Variants in SCMH1 observed in about 807,000 individuals in gnomAD.
SCMH1 encodes polycomb protein SCMH1.
In SCMH1, 37 loss-of-function variants were observed where a neutral mutation model predicts 70.8. The ratio of observed to expected loss-of-function variants is 0.52; its 90% CI spans 0.40 to 0.69. The LOEUF (loss-of-function observed/expected upper bound fraction) is 0.69, where lower values mean the gene tolerates loss of function less well. Among genes scored for constraint, SCMH1 ranks in the 30% least tolerant of loss-of-function variants. The pLI is 0.00. For synonymous variants in SCMH1, 292 were observed against 307.4 expected (o/e 0.95, Z 0.52); for missense variants, 607 against 827.3 (o/e 0.73, Z 3.27).
At chr1:41,079,155 A>G (rs1659229133) in intron 8 of SCMH1, among the ~76,000 whole-genome samples, 1 of 152,226 alleles carries the variant, frequency 6.6e-6, no homozygotes, top group Admixed American at 6.5e-5. Flanking sequence ...GGAGAGAAGT[A>G]GAATAATAAA....
chr1:41,072,521 T>A (rs1558636139), intron 9 of SCMH1, among the ~76,000 whole-genome samples: 2 of 152,264 alleles, frequency 1.3e-5, no homozygotes, highest in East Asian at 3.9e-4. Flanking sequence ...AACCTGTTTG[T>A]CTGACTTTAA....
chr1:41,070,813 T>C, intron 9 of SCMH1, 92 bp from the exon 10 acceptor site: 1 of 1,428,702 alleles, frequency 7.0e-7, no homozygotes, highest in Non-Finnish European at 9.6e-7. Context: ...AGCAAAAATA[T>C]ATTTATGGAT....
intron 8 of SCMH1, among the ~76,000 whole-genome samples, chr1:41,096,663 G>A (rs148993148): frequency 1.4e-3 from 219 of 152,262 alleles, no homozygotes; most frequent in African/African-American, 5.0e-3. Context: ...GACCCTAATT[G>A]TTCTGGGACC....
intron 1 of SCMH1, among the ~76,000 whole-genome samples, chr1:41,223,150 T>C (rs1659625039): frequency 6.6e-6 from 1 of 152,206 alleles, no homozygotes; most frequent in Non-Finnish European, 1.5e-5. Flanking sequence ...ATTCTATCAA[T>C]GGAATCTGGA....
chr1:41,035,953 C>T (rs569247853), intron 13 of SCMH1, among the ~76,000 whole-genome samples: 15 of 152,286 alleles, frequency 9.8e-5, no homozygotes, highest in African/African-American at 3.6e-4. Flanking sequence ...ATGCTGTGCT[C>T]TCCTTCAAAT....
intron 9 of SCMH1, among the ~76,000 whole-genome samples, chr1:41,072,300 G>A (rs1656814766): frequency 6.6e-6 from 1 of 152,166 alleles, no homozygotes; most frequent in Non-Finnish European, 1.5e-5. Flanking sequence ...ATGAGTTGGT[G>A]GTAGGATTTC....
chr1:41,141,991 G>A (rs1288290983), intron 6 of SCMH1, among the ~76,000 whole-genome samples: 3 of 152,174 alleles, frequency 2.0e-5, no homozygotes, highest in Admixed American at 6.5e-5. Context: ...ATCATGCTAT[G>A]TTTAACAATT....
At chr1:41,140,285 A>G (rs1042578592) in intron 6 of SCMH1, among the ~76,000 whole-genome samples, 1 of 123,992 alleles carries the variant, frequency 8.1e-6, no homozygotes, top group Non-Finnish European at 1.6e-5. Context: ...ATGATATTTT[A>G]CCCCAATAAC....
intron 6 of SCMH1, among the ~76,000 whole-genome samples, chr1:41,129,151 G>A (rs1183943697): frequency 6.6e-6 from 1 of 152,028 alleles, no homozygotes; most frequent in East Asian, 1.9e-4. Flanking sequence ...ATTATAATGG[G>A]TGAGTTTTTC....
chr1:41,057,542 G>A (rs188407664), intron 10 of SCMH1, among the ~76,000 whole-genome samples: 5 of 152,016 alleles, frequency 3.3e-5, no homozygotes, highest in Admixed American at 2.0e-4. Context: ...GAGCCACTGC[G>A]CCTGGCCCTA....
At chr1:41,136,193 G>A (rs796412138) in intron 6 of SCMH1, among the ~76,000 whole-genome samples, 4 of 152,066 alleles carry the variant, frequency 2.6e-5, no homozygotes, top group African/African-American at 7.2e-5. Flanking sequence ...CAATCTGTCT[G>A]CCTTGGACTC....
chr1:41,191,951 T>C (rs1357711705), intron 1 of SCMH1, among the ~76,000 whole-genome samples: 1 of 152,148 alleles, frequency 6.6e-6, no homozygotes, highest in East Asian at 1.9e-4. Context: ...TCCTTGAAAG[T>C]CACTGCTAAT....
intron 5 of SCMH1, among the ~76,000 whole-genome samples, chr1:41,145,089 TGAA>T (rs1393399140): frequency 1.3e-5 from 2 of 152,194 alleles, no homozygotes; most frequent in Admixed American, 1.3e-4. Flanking sequence ...TTAATTTTGA[TGAA>T]GTTTAAATTA....
chr1:41,127,105 T>C (rs1465416471), intron 6 of SCMH1, among the ~76,000 whole-genome samples: 1 of 152,170 alleles, frequency 6.6e-6, no homozygotes, highest in Non-Finnish European at 1.5e-5. Flanking sequence ...TGCACTTATT[T>C]TATTATGAGT....
intron 6 of SCMH1, among the ~76,000 whole-genome samples, chr1:41,130,937 T>C (rs1261963195): frequency 6.6e-5 from 10 of 152,188 alleles, no homozygotes; most frequent in Non-Finnish European, 8.8e-5. Flanking sequence ...AAGTTATCTA[T>C]TTTTTCTTTT....
intron 1 of SCMH1, among the ~76,000 whole-genome samples, chr1:41,195,304 G>A (rs1385747940): frequency 2.0e-5 from 3 of 151,988 alleles, no homozygotes; most frequent in Non-Finnish European, 2.9e-5. Flanking sequence ...CAGCCCTTAA[G>A]AATGCAAAAG....
At chr1:41,098,862 G>A (rs1347245834) in intron 8 of SCMH1, 1 of 163,136 alleles carries the variant, frequency 6.1e-6, no homozygotes, top group Admixed American at 6.5e-5. Flanking sequence ...ATCCTTGGAA[G>A]GGCACCCACA....
intron 2 of SCMH1, among the ~76,000 whole-genome samples, chr1:41,163,301 G>A (rs538988025): frequency 5.3e-5 from 8 of 152,256 alleles, no homozygotes; most frequent in South Asian, 2.1e-4. Context: ...CCCCAAGCTC[G>A]TTCATACACA....
rs550172898 is a variant in SCMH1 at position 41,083,028 on chromosome 1, G to A, written c.746-7577C>T. Among the ~76,000 whole-genome samples the A allele has an allele frequency of 2.4e-3, 366 of 152,220 alleles. 1 individual carries two copies. The highest frequency in any genetic ancestry group is 8.4e-3 in the African/African-American group (350 of 41,532). ...CCCACAGCCAATATCATACTGAATG[G>A]GCCAACACTGGAAGCATTCCCTTTG... is the stretch of plus-strand genomic sequence containing the variant. On this transcript the variant is annotated intron_variant, in intron 8 of 14. Transcript: ENST00000337495.
Sources: allele counts gnomAD v4.1 joint callset (sites outside exome capture counted in the v4.1 genomes callset), GRCh38; gene constraint gnomAD v4.1.1; transcripts MANE v1.5; gene names NCBI Gene and HGNC (gene_info 2026-07-23, HGNC 2026-07-21).